PIAS1: variants seen among roughly 807,000 people sequenced by gnomAD.
PIAS1 encodes E3 SUMO-protein ligase PIAS1.
PIAS1 carries 6 observed loss-of-function variants against 71.3 expected under a neutral mutation model. The ratio of observed to expected loss-of-function variants is 0.08; its 90% CI spans 0.05 to 0.17. The LOEUF (loss-of-function observed/expected upper bound fraction) is 0.17. PIAS1 is among the 10% of genes least tolerant of loss of function. The pLI, the probability that PIAS1 is intolerant of heterozygous loss-of-function variation, is 1.00. For synonymous variants in PIAS1, 303 were observed against 292.9 expected (o/e 1.03, Z -0.35); for missense variants, 555 against 793.6 (o/e 0.70, Z 3.61).
intron 7 of PIAS1, among the ~76,000 whole-genome samples, chr15:68,160,252 T>A (rs1279348463): frequency 1.3e-5 from 2 of 152,176 alleles, no homozygotes; most frequent in African/African-American, 4.8e-5. Context: ...AGCTCTTGGA[T>A]CTAGGTCTGT....
rs1419274502 is a variant in PIAS1 at position 68,191,267 on chromosome 15, TTCTC to T, written c.*3436_*3439del. ...ATCTGTGATTCATTGCCTTAAAACT[TTCTC>T]TCTTAGAATTTCCATACCGCATGCC... On this transcript the variant is annotated 3_prime_UTR_variant, in exon 14 of 14. Transcript: ENST00000249636. The T allele has an allele frequency of 3.3e-5, 5 of 152,778 alleles. No homozygotes were observed. Among genetic ancestry groups the T allele is most frequent in the East Asian group, 1.9e-4 (1 of 5,190 alleles). 9.5% of individuals were successfully genotyped at this position (152,778 alleles called of 1,614,324 possible). A position where few individuals can be genotyped will look rare whatever the true frequency, so the allele number is the denominator to read the frequency against.
intron 11 of PIAS1, among the ~76,000 whole-genome samples, chr15:68,180,069 T>G (rs900676280): frequency 6.6e-6 from 1 of 152,162 alleles, no homozygotes; most frequent in African/African-American, 2.4e-5. Flanking sequence ...AGGGCTACTA[T>G]AATTGTTTTT....
intron 2 of PIAS1, among the ~76,000 whole-genome samples, chr15:68,114,368 A>G (rs1257148572): frequency 6.6e-6 from 1 of 152,074 alleles, no homozygotes; most frequent in Non-Finnish European, 1.5e-5. Flanking sequence ...TTAATGATTT[A>G]GTATATGAAT....
chr15:68,054,566 C>T lies in PIAS1; in HGVS notation c.24+216C>T. The T allele has an allele frequency of 2.3e-6, 1 of 437,020 alleles. No individual in the cohort carries two copies. Among genetic ancestry groups the T allele is most frequent in the South Asian group, 3.8e-5 (1 of 26,032 alleles). 27.1% of individuals were successfully genotyped at this position (437,020 alleles called of 1,614,324 possible). A position where few individuals can be genotyped will look rare whatever the true frequency, so the allele number is the denominator to read the frequency against. On this transcript the variant is annotated intron_variant, in intron 1 of 13. Transcript: ENST00000249636. The surrounding 1 kb of genome is among the most constrained non-coding windows in gnomAD (Gnocchi z 4.6). ...CTCGGGGGCGCTGACGGGTCGTCCC[C>T]GGCGTGTTATTGTTGTGGGCGCCTC...
intron 1 of PIAS1, among the ~76,000 whole-genome samples, chr15:68,083,553 C>T (rs1440279524): frequency 1.3e-5 from 2 of 152,154 alleles, no homozygotes; most frequent in African/African-American, 4.8e-5. Context: ...ATAAATTAAT[C>T]TTCAAATAGG....
At chr15:68,070,785 ACTTGTAATTT>A (rs565573010) in intron 1 of PIAS1, among the ~76,000 whole-genome samples, 1 of 152,298 alleles carries the variant, frequency 6.6e-6, no homozygotes, top group South Asian at 2.1e-4. Flanking sequence ...AATTTCACCT[ACTTGTAATTT>A]TTTGAAATAG....
chr15:68,087,302 T>A (rs78949369), intron 2 of PIAS1, among the ~76,000 whole-genome samples: 5 of 152,292 alleles, frequency 3.3e-5, no homozygotes, highest in Non-Finnish European at 5.9e-5. Context: ...ATAATATAAG[T>A]GCTTGAAATT....
At chr15:68,108,734 T>C (rs555952698) in intron 2 of PIAS1, among the ~76,000 whole-genome samples, 22 of 152,308 alleles carry the variant, frequency 1.4e-4, no homozygotes, top group African/African-American at 4.8e-4. Flanking sequence ...TCCTTTTTGT[T>C]GCTCAAGTCA....
intron 13 of PIAS1, 87 bp downstream of exon 13, chr15:68,183,754 G>T: frequency 1.7e-6 from 1 of 598,728 alleles, no homozygotes; most frequent in Non-Finnish European, 3.1e-6. Context: ...TCAATGACAG[G>T]CCATATATGC....
intron 2 of PIAS1, among the ~76,000 whole-genome samples, chr15:68,106,702 C>T (rs1409080139): frequency 1.3e-5 from 2 of 152,110 alleles, no homozygotes; most frequent in Non-Finnish European, 2.9e-5. Flanking sequence ...CCTCCAGTTT[C>T]CTCCTAATAT....
intron 1 of PIAS1, among the ~76,000 whole-genome samples, chr15:68,065,736 C>CTTTTT (rs35947814): frequency 6.0e-5 from 6 of 99,568 alleles, no homozygotes; most frequent in African/African-American, 1.7e-4. Context: ...GCTTGAAGTA[C>CTTTTT]TTTTTTTTTT....
chr15:68,061,037 A>G (rs1466704304), intron 1 of PIAS1, among the ~76,000 whole-genome samples: 2 of 152,254 alleles, frequency 1.3e-5, no homozygotes, highest in South Asian at 2.1e-4. Flanking sequence ...TATTTTTAGA[A>G]AAAACCTTTA....
chr15:68,068,670 C>G (rs1459283286), intron 1 of PIAS1, among the ~76,000 whole-genome samples: 1 of 152,034 alleles, frequency 6.6e-6, no homozygotes, highest in African/African-American at 2.4e-5. Context: ...CCAGGCTGGT[C>G]TCGAACTCAT....
chr15:68,150,918 C>T (rs1224345566), intron 6 of PIAS1, among the ~76,000 whole-genome samples: 2 of 151,934 alleles, frequency 1.3e-5, no homozygotes, highest in African/African-American at 2.4e-5. Flanking sequence ...CCAAGCATTT[C>T]GGATCAGGGA....
chr15:68,172,982 T>A (rs1265008543), intron 8 of PIAS1, among the ~76,000 whole-genome samples: 1 of 152,214 alleles, frequency 6.6e-6, no homozygotes, highest in Non-Finnish European at 1.5e-5. Context: ...GCCTTCCTCC[T>A]CAGAGCTGCC....
chr15:68,139,934 G>T (rs1343351126), intron 2 of PIAS1, among the ~76,000 whole-genome samples: 1 of 152,048 alleles, frequency 6.6e-6, no homozygotes, highest in Non-Finnish European at 1.5e-5. Flanking sequence ...AGGGCTAATG[G>T]TAGCTTACTT....
intron 1 of PIAS1, among the ~76,000 whole-genome samples, chr15:68,058,127 C>T (rs1372045765): frequency 6.6e-6 from 1 of 152,042 alleles, no homozygotes; most frequent in African/African-American, 2.4e-5. Context: ...ATGGTTGTAG[C>T]GGGAACTGGG....
In PIAS1 at chr15:68,187,919, T is replaced by G; in HGVS notation, c.*84T>G. The G allele has an allele frequency of 3.9e-6, 5 of 1,277,620 alleles. No individual in the cohort carries two copies. Among genetic ancestry groups the G allele is most frequent in the Non-Finnish European group, 5.4e-6 (5 of 919,666 alleles). The allele number at this position is 1,277,620 out of a possible 1,614,324, so 79.1% of individuals were successfully genotyped here. A position where few individuals can be genotyped will look rare whatever the true frequency, so the allele number is the denominator to read the frequency against. On this transcript the variant is annotated 3_prime_UTR_variant, in exon 14 of 14. Transcript: ENST00000249636. This position sits in a 1 kb window ranked among gnomAD's most constrained non-coding sequence, Gnocchi z 5.3. ...GAGAACTTTGTGCTCTGTTTTACCT[T>G]ACTCTGTTTAGAAAAGTATACAAGC... is the stretch of plus-strand genomic sequence containing the variant.
intron 6 of PIAS1, among the ~76,000 whole-genome samples, chr15:68,151,564 A>G (rs984082523): frequency 2.1e-4 from 32 of 152,098 alleles, no homozygotes; most frequent in African/African-American, 7.7e-4. Context: ...TCATGCCTGT[A>G]ATCCAAGCAC....
Sources: allele counts gnomAD v4.1 joint callset (sites outside exome capture counted in the v4.1 genomes callset), GRCh38; gene constraint gnomAD v4.1.1; non-coding constraint Gnocchi (gnomAD v3.1); transcripts MANE v1.5; gene names NCBI Gene and HGNC (gene_info 2026-07-23, HGNC 2026-07-21).